TEAD1: variants seen among roughly 807,000 people sequenced by gnomAD.
The protein encoded by TEAD1 is TEA domain transcription factor 1.
A neutral mutation model predicts 54.9 loss-of-function variants in TEAD1; 9 were observed. That is an observed-to-expected ratio of 0.16 (90% CI 0.10 to 0.29). The LOEUF is 0.29. Among genes scored for constraint, TEAD1 ranks in the 10% least tolerant of loss-of-function variants. The pLI, the probability that TEAD1 is intolerant of heterozygous loss-of-function variation, is 1.00. For missense variants in TEAD1, 387 were observed against 535.9 expected, an observed-to-expected ratio of 0.72 and a Z score of 2.74; for synonymous variants, 200 against 187.8, an observed-to-expected ratio of 1.07 and a Z score of -0.53.
At chr11:12,841,983 G>A (rs1186095060) in intron 3 of TEAD1, among the ~76,000 whole-genome samples, 1 of 152,094 alleles carries the variant, frequency 6.6e-6, no homozygotes, top group African/African-American at 2.4e-5. Flanking sequence ...ATATGTTAAA[G>A]AAATGTAGTC....
At chr11:12,678,991 A>G (rs953143476) in intron 2 of TEAD1, among the ~76,000 whole-genome samples, 3 of 152,188 alleles carry the variant, frequency 2.0e-5, no homozygotes, top group Non-Finnish European at 4.4e-5. Flanking sequence ...GGTTACTCTT[A>G]GCTTTTAAAT....
At chr11:12,869,446 T>C (rs1395148676) in intron 5 of TEAD1, among the ~76,000 whole-genome samples, 1 of 152,324 alleles carries the variant, frequency 6.6e-6, no homozygotes, top group East Asian at 1.9e-4. Flanking sequence ...AATTATAAGT[T>C]CTGTCCTTAT....
chr11:12,933,163 A>G (rs1203866634), intron 12 of TEAD1, among the ~76,000 whole-genome samples: 1 of 152,220 alleles, frequency 6.6e-6, no homozygotes, highest in East Asian at 1.9e-4. Flanking sequence ...ATCACTGTAT[A>G]TCATTAATGC....
intron 2 of TEAD1, among the ~76,000 whole-genome samples, chr11:12,731,585 A>T (rs1320407766): frequency 6.6e-6 from 1 of 152,218 alleles, no homozygotes; most frequent in Non-Finnish European, 1.5e-5. Flanking sequence ...AATAGGATAT[A>T]TAATTTATTC....
At chr11:12,933,501 AATGTAAATGCT>A (rs1191839546) in intron 12 of TEAD1, among the ~76,000 whole-genome samples, 1 of 152,196 alleles carries the variant, frequency 6.6e-6, no homozygotes, top group Non-Finnish European at 1.5e-5. Flanking sequence ...TACCAAATAC[AATGTAAATGCT>A]ATGTAAATAG....
intron 2 of TEAD1, among the ~76,000 whole-genome samples, chr11:12,742,480 A>T (rs542430316): frequency 3.9e-5 from 6 of 152,126 alleles, no homozygotes; most frequent in Non-Finnish European, 7.4e-5. Flanking sequence ...AAAGTGTGCA[A>T]AGTTTCTCTT....
intron 9 of TEAD1, among the ~76,000 whole-genome samples, chr11:12,896,716 G>A (rs976301030): frequency 3.9e-5 from 6 of 152,292 alleles, no homozygotes; most frequent in Non-Finnish European, 7.4e-5. Context: ...CATCTTCTCT[G>A]TAGGAATTTA....
At chr11:12,933,382 C>G (rs989363462) in intron 12 of TEAD1, among the ~76,000 whole-genome samples, 2 of 152,088 alleles carry the variant, frequency 1.3e-5, no homozygotes, top group Non-Finnish European at 2.9e-5. Flanking sequence ...ATAAAATCAT[C>G]TAATTGATGA....
At chr11:12,904,388 A>T (rs1948480350) in intron 10 of TEAD1, among the ~76,000 whole-genome samples, 1 of 152,248 alleles carries the variant, frequency 6.6e-6, no homozygotes, top group Non-Finnish European at 1.5e-5. Context: ...TCAGTACTTA[A>T]AGACTTTTCT....
chr11:12,716,115 C>T (rs547810988), intron 2 of TEAD1, among the ~76,000 whole-genome samples: 54 of 151,970 alleles, frequency 3.6e-4, no homozygotes, highest in Non-Finnish European at 6.0e-4. Flanking sequence ...CTGTCCTGCG[C>T]GGGCTCTTTG....
intron 9 of TEAD1, among the ~76,000 whole-genome samples, chr11:12,896,248 G>A (rs1055608637): frequency 6.6e-6 from 1 of 152,168 alleles, no homozygotes; most frequent in South Asian, 2.1e-4. Context: ...CAGATGGTGA[G>A]ATATAAATCA....
chr11:12,770,758 A>G (rs1212073224), intron 3 of TEAD1, among the ~76,000 whole-genome samples: 1 of 152,218 alleles, frequency 6.6e-6, no homozygotes, highest in African/African-American at 2.4e-5. Flanking sequence ...AAGGAAGTAT[A>G]TTCTGTACTA....
intron 3 of TEAD1, among the ~76,000 whole-genome samples, chr11:12,853,910 G>A (rs777660487): frequency 3.2e-4 from 48 of 152,284 alleles, no homozygotes; most frequent in Non-Finnish European, 6.2e-4. Context: ...AGTTAACACA[G>A]CCTTTCTCTG....
intron 3 of TEAD1, among the ~76,000 whole-genome samples, chr11:12,836,541 C>T (rs1261744383): frequency 1.3e-5 from 2 of 152,056 alleles, no homozygotes; most frequent in East Asian, 3.8e-4. Context: ...CGTTATGTTG[C>T]GAGCATGAGA....
At chr11:12,800,483 A>G (rs370764723) in intron 3 of TEAD1, among the ~76,000 whole-genome samples, 1 of 152,218 alleles carries the variant, frequency 6.6e-6, no homozygotes, top group East Asian at 1.9e-4. Context: ...GACAGGAAAC[A>G]CAGCGATGGT....
At position 12,902,273 on chromosome 11, in the gene TEAD1, G is replaced by T. The variant is rs189459417; in HGVS notation, c.873+160G>T. 4.3e-3 allele frequency among the ~76,000 whole-genome samples: 655 copies of T among 152,362 alleles called. 2 individuals carry two copies. The highest frequency in any genetic ancestry group is 6.9e-3 in the Non-Finnish European group (469 of 68,034). ...GAGCACGGACTCACACCTGTGAACT[G>T]TCCTCATGCCGGCCTTATGCATCCA... On this transcript the variant is annotated intron_variant, in intron 10 of 12. Coordinates refer to ENST00000527636, the MANE Select transcript of TEAD1 (RefSeq NM_021961.6).
At chr11:12,690,134 C>CCGAAGCTGAAGGCAGGAGAATGG (rs1389059033) in intron 2 of TEAD1, among the ~76,000 whole-genome samples, 1 of 151,336 alleles carries the variant, frequency 6.6e-6, no homozygotes, top group East Asian at 1.9e-4. Context: ...CCAGCTACTC[C>CCGAAGCTGAAGGCAGGAGAATGG]CGAAGCTGAA....
chr11:12,915,886 A>G (rs751634255), intron 10 of TEAD1, among the ~76,000 whole-genome samples: 7 of 152,228 alleles, frequency 4.6e-5, no homozygotes, highest in Non-Finnish European at 1.0e-4. Context: ...TTACTGAGTA[A>G]GAGGTAATAG....
chr11:12,742,547 A>G (rs971732935), intron 2 of TEAD1, among the ~76,000 whole-genome samples: 6 of 152,154 alleles, frequency 3.9e-5, no homozygotes, highest in Admixed American at 6.5e-5. Context: ...TAATTATGGT[A>G]TATTTCAAAA....
Sources: allele counts gnomAD v4.1 joint callset (sites outside exome capture counted in the v4.1 genomes callset), GRCh38; gene constraint gnomAD v4.1.1; transcripts MANE v1.5; gene names NCBI Gene and HGNC (gene_info 2026-07-23, HGNC 2026-07-21).